The following PLOD1 variants were observed in gnomAD, a reference collection of about 807,000 sequenced individuals.
PLOD1 encodes the protein procollagen-lysine,2-oxoglutarate 5-dioxygenase 1, also known as lysine hydroxylase.
Under a neutral mutation model 94.7 loss-of-function variants are expected in PLOD1, and 70 were observed. The ratio of observed to expected loss-of-function variants is 0.74; its 90% CI spans 0.61 to 0.90. The LOEUF is 0.90. PLOD1 is among the 40% of genes least tolerant of loss of function. The pLI, the probability that PLOD1 is intolerant of heterozygous loss-of-function variation, is 0.00. For synonymous variants in PLOD1, 417 were observed against 400.2 expected, an observed-to-expected ratio of 1.04 and a Z score of -0.50; for missense variants, 905 against 972.7, an observed-to-expected ratio of 0.93 and a Z score of 0.93.
chr1:11,973,429 G>A (rs1017846096), intron 18 of PLOD1, among the ~76,000 whole-genome samples: 1 of 152,098 alleles, frequency 6.6e-6, no homozygotes, highest in Non-Finnish European at 1.5e-5. Context: ...GAACCCAAGA[G>A]GTGGAGGTTG....
intron 1 of PLOD1, among the ~76,000 whole-genome samples, chr1:11,939,743 G>T (rs1027104325): frequency 1.3e-5 from 2 of 151,966 alleles, no homozygotes; most frequent in African/African-American, 4.8e-5. Flanking sequence ...GAGTAGCTGG[G>T]ATTACAGGCG....
intron 1 of PLOD1, chr1:11,944,472 C>T (rs146323769): frequency 7.1e-6 from 9 of 1,274,320 alleles, no homozygotes; most frequent in Admixed American, 4.5e-5. Flanking sequence ...CATGCTCTCA[C>T]GCTGGCTTTT....
chr1:11,964,866 T>C lies in PLOD1; in HGVS notation c.1470+81T>C, dbSNP rs7529312. 0.1 allele frequency: 149,058 copies of C among 1,454,148 alleles called. 10,288 individuals carry two copies. Among genetic ancestry groups the C allele is most frequent in the African/African-American group, 0.34 (24,772 of 72,138 alleles). The allele number at this position is 1,454,148 out of a possible 1,614,324, so 90.1% of individuals were successfully genotyped here. A position where few individuals can be genotyped will look rare whatever the true frequency, so the allele number is the denominator to read the frequency against. On this transcript the variant is annotated intron_variant, in intron 13 of 18. Transcript: ENST00000196061. ...GGGCCTCCAGCTCTGACCCTCATGGTGGGCCGCCTTGTCACCGTAGGCCTG... is the reference window on the plus strand; with the variant it reads ...GGGCCTCCAGCTCTGACCCTCATGGCGGGCCGCCTTGTCACCGTAGGCCTG...
rs1553136679 is a variant in PLOD1 at position 11,967,597 on chromosome 1, G to GAAATATATATAGATTTTATTTA, written c.1755+506_1755+507insAAATATATATAGATTTTATTTA. On this transcript the variant is annotated intron_variant, in intron 16 of 18. Transcript: ENST00000196061. ...TTTTTCTTTTCATGTGTGTGTGTGTGTATATATATATATATATAAAAAGAA... is the reference window on the plus strand; with the variant it reads ...TTTTTCTTTTCATGTGTGTGTGTGTGAAATATATATAGATTTTATTTATATATATATATATATATAAAAAGAA... 3.3e-5 allele frequency among the ~76,000 whole-genome samples: 2 copies of GAAATATATATAGATTTTATTTA among 59,778 alleles called. 1 individual carries two copies. Among genetic ancestry groups the GAAATATATATAGATTTTATTTA allele is most frequent in the African/African-American group, 1.3e-4 (2 of 14,858 alleles). 39.2% of individuals were successfully genotyped at this position (59,778 alleles called of 152,430 possible).
chr1:11,959,279 CT>C (rs1300391309), intron 9 of PLOD1, among the ~76,000 whole-genome samples: 1 of 151,864 alleles, frequency 6.6e-6, no homozygotes, highest in Non-Finnish European at 1.5e-5. Flanking sequence ...CACAGAATTG[CT>C]GCAAGGGCTA....
Position 11,949,873 on chromosome 1 carries a change from A to G in PLOD1, c.269A>G (p.Asp90Gly). 3.7e-6 allele frequency: 6 copies of G among 1,614,146 alleles called. No individual in the cohort carries two copies. The highest frequency in any genetic ancestry group is 5.1e-6 in the Non-Finnish European group (6 of 1,180,006). Reference protein sequence around the residue: ...LLKKALEKHADKEDLVILFAD... With the variant: ...LLKKALEKHAGKEDLVILFAD... ...AAGAAAGCTCTGGAGAAGCACGCAG[A>G]CAAGGAGGATCTGGTCATTCTCTTC... The change falls in exon 3 of 19, where the codon GAC becomes GGC. Residue 90 changes from aspartate to glycine, a missense_variant. Transcript: ENST00000196061.
rs757648369 is a variant in PLOD1 at position 11,972,609 on chromosome 1, TCCTCCCTC to T, written c.1903-255_1903-248del. ...TTTCTTCTCTTCCCTTTTCCTCCCT[TCCTCCCTC>T]CCTCCCTTCCTTTCTTCCTTCCCCT... On this transcript the variant is annotated intron_variant, in intron 17 of 18. Coordinates refer to ENST00000196061, the MANE Select transcript of PLOD1 (RefSeq NM_000302.4). The surrounding 1 kb of genome is among the most constrained non-coding windows in gnomAD (Gnocchi z 4.6). 34 of 441,406 alleles carry T rather than the reference TCCTCCCTC, an allele frequency of 7.7e-5. No homozygotes were observed. The highest frequency in any genetic ancestry group is 1.3e-4 in the Non-Finnish European group (30 of 237,628). 27.3% of individuals were successfully genotyped at this position (441,406 alleles called of 1,614,324 possible).
Position 11,972,208 on chromosome 1 carries a change from TCC to T in PLOD1, c.1903-663_1903-662del, listed in dbSNP as rs1048259997. 3 of 98,956 alleles carry T rather than the reference TCC, an allele frequency of 3.0e-5. No individual in the cohort carries two copies. Among genetic ancestry groups the T allele is most frequent in the African/African-American group, 1.6e-4 (3 of 18,498 alleles). 6.1% of individuals were successfully genotyped at this position (98,956 alleles called of 1,614,324 possible). A position where few individuals can be genotyped will look rare whatever the true frequency, so the allele number is the denominator to read the frequency against. ...TCCTTTCTTCCCTTCCTTCCTTCCT[TCC>T]TCTCTCTCTCTCTCTCTCTTTCTTT... On this transcript the variant is annotated intron_variant, in intron 17 of 18. Coordinates refer to ENST00000196061, the MANE Select transcript of PLOD1 (RefSeq NM_000302.4). This position sits in a 1 kb window ranked among gnomAD's most constrained non-coding sequence, Gnocchi z 4.6.
intron 5 of PLOD1, among the ~76,000 whole-genome samples, chr1:11,953,562 C>T (rs1013834306): frequency 3.3e-5 from 5 of 151,136 alleles, no homozygotes; most frequent in African/African-American, 9.7e-5. Flanking sequence ...GAGGCCAAAG[C>T]GGGTGGATCA....
chr1:11,940,953 C>A (rs1569667165), intron 1 of PLOD1, among the ~76,000 whole-genome samples: 1 of 152,322 alleles, frequency 6.6e-6, no homozygotes, highest in Admixed American at 6.5e-5. Flanking sequence ...AGTCTGGCAT[C>A]TTAGGATGTT....
chr1:11,951,222 A>G (rs1645698557), intron 4 of PLOD1, among the ~76,000 whole-genome samples: 1 of 152,006 alleles, frequency 6.6e-6, no homozygotes, highest in Non-Finnish European at 1.5e-5. Context: ...CCCTACCCTC[A>G]TGCCCTTCCA....
At chr1:11,964,327 T>TGGGGG in intron 12 of PLOD1, 27 bp downstream of exon 12, 8 of 546,346 alleles carry the variant, frequency 1.5e-5, no homozygotes, top group East Asian at 9.7e-5. Context: ...TGGGGGTGGG[T>TGGGGG]GGGGGACACC....
intron 1 of PLOD1, among the ~76,000 whole-genome samples, chr1:11,941,437 T>C (rs749057869): frequency 1.3e-5 from 2 of 150,402 alleles, no homozygotes; most frequent in Non-Finnish European, 2.9e-5. Flanking sequence ...TTTCAAGTGA[T>C]TCTCCTGCCT....
At chr1:11,949,988 C>T (rs1423010288) in intron 3 of PLOD1, 82 bp downstream of exon 3, 4 of 1,452,238 alleles carry the variant, frequency 2.8e-6, no homozygotes, top group South Asian at 1.1e-5. Context: ...CCCAGAACAT[C>T]GGGGAAGAAG....
intron 6 of PLOD1, among the ~76,000 whole-genome samples, chr1:11,955,351 T>C (rs757261099): frequency 3.9e-5 from 6 of 152,214 alleles, no homozygotes; most frequent in Non-Finnish European, 5.9e-5. Context: ...GTGATGACAT[T>C]GCTTTGCCGC....
intron 1 of PLOD1, chr1:11,944,776 C>G: frequency 1.3e-6 from 1 of 751,800 alleles, no homozygotes. Context: ...GCCCTCTGCC[C>G]TGGGGCCAGC....
chr1:11,962,480 G>A (rs1203886483), intron 10 of PLOD1, among the ~76,000 whole-genome samples: 1 of 149,884 alleles, frequency 6.7e-6, no homozygotes, highest in South Asian at 2.1e-4. Context: ...GTTTCACCGT[G>A]TTAGCCAGGA....
chr1:11,965,174 A>G (rs1645807049), intron 13 of PLOD1, among the ~76,000 whole-genome samples: 2 of 150,386 alleles, frequency 1.3e-5, no homozygotes, highest in African/African-American at 4.9e-5. Flanking sequence ...TTAAACATGC[A>G]GCAAGATGAA....
intron 1 of PLOD1, among the ~76,000 whole-genome samples, chr1:11,944,094 G>A (rs12564031): frequency 0.15 from 22,037 of 151,952 alleles, 2,295 homozygotes; most frequent in African/African-American, 0.29. Flanking sequence ...TTAGCTGGGC[G>A]TGGTGGCCGG....
Sources: allele counts gnomAD v4.1 joint callset (sites outside exome capture counted in the v4.1 genomes callset), GRCh38; gene constraint gnomAD v4.1.1; non-coding constraint Gnocchi (gnomAD v3.1); transcripts MANE v1.5; gene names NCBI Gene and HGNC (gene_info 2026-07-23, HGNC 2026-07-21).